The following GPC6 variants were observed in gnomAD, a reference collection of about 807,000 sequenced individuals.
The protein encoded by GPC6 is glypican 6.
In GPC6, 14 loss-of-function variants were observed where a neutral mutation model predicts 55.2. That is an observed-to-expected ratio of 0.25 (90% confidence interval 0.17 to 0.40). The LOEUF is 0.40. GPC6 is among the 10% of genes least tolerant of loss of function. GPC6 has a pLI of 1.00. For synonymous variants in GPC6, 278 were observed against 259.6 expected (o/e 1.07, Z -0.68); for missense variants, 641 against 708.5 (o/e 0.90, Z 1.08).
At chr13:93,882,516 A>G (rs1007884039) in intron 3 of GPC6, among the ~76,000 whole-genome samples, 13 of 151,912 alleles carry the variant, frequency 8.6e-5, no homozygotes, top group Non-Finnish European at 1.6e-4. Context: ...ACACTGTTAG[A>G]TTTGTATGTT....
At chr13:94,147,074 G>A (rs1286480118) in intron 4 of GPC6, among the ~76,000 whole-genome samples, 1 of 152,008 alleles carries the variant, frequency 6.6e-6, no homozygotes, top group African/African-American at 2.4e-5. Flanking sequence ...AGAATTGTGG[G>A]TACTACTAAA....
At chr13:93,414,433 G>A (rs1213099917) in intron 1 of GPC6, among the ~76,000 whole-genome samples, 2 of 151,906 alleles carry the variant, frequency 1.3e-5, no homozygotes, top group Non-Finnish European at 2.9e-5. Flanking sequence ...TTCTTACTCC[G>A]GGACTGCAAA....
intron 2 of GPC6, among the ~76,000 whole-genome samples, chr13:93,584,339 G>A (rs569970784): frequency 6.6e-6 from 1 of 152,096 alleles, no homozygotes; most frequent in African/African-American, 2.4e-5. Flanking sequence ...GGTATCTTTG[G>A]GGGGGTCCCA....
chr13:93,225,528 T>G (rs1186464578), upstream of GPC6, among the ~76,000 whole-genome samples: 3 of 151,968 alleles, frequency 2.0e-5, no homozygotes, highest in African/African-American at 4.8e-5. Flanking sequence ...TTTTTGGTTT[T>G]GTTTTGTCTT....
chr13:93,941,125 G>A (rs1163500907), intron 3 of GPC6, among the ~76,000 whole-genome samples: 1 of 152,104 alleles, frequency 6.6e-6, no homozygotes, highest in Non-Finnish European at 1.5e-5. Flanking sequence ...TGTCATACTT[G>A]CTATGATGAA....
intron 4 of GPC6, among the ~76,000 whole-genome samples, chr13:94,251,070 A>G (rs1423506739): frequency 1.3e-5 from 2 of 152,124 alleles, no homozygotes; most frequent in Non-Finnish European, 2.9e-5. Flanking sequence ...ATGCCCATCA[A>G]TGATACACTG....
At chr13:93,798,298 C>T (rs1422444196) in intron 2 of GPC6, among the ~76,000 whole-genome samples, 1 of 152,090 alleles carries the variant, frequency 6.6e-6, no homozygotes, top group African/African-American at 2.4e-5. Flanking sequence ...CTTCTGTGAA[C>T]CAAGTTACTT....
At chr13:93,835,706 C>T (rs919481110) in intron 3 of GPC6, among the ~76,000 whole-genome samples, 1 of 152,128 alleles carries the variant, frequency 6.6e-6, no homozygotes, top group Non-Finnish European at 1.5e-5. Flanking sequence ...GAGCCAAGAT[C>T]ACGCCATTGC....
chr13:93,341,266 T>C (rs1415727053), intron 1 of GPC6, among the ~76,000 whole-genome samples: 2 of 152,210 alleles, frequency 1.3e-5, no homozygotes, highest in Non-Finnish European at 2.9e-5. Context: ...AGCTACCCAG[T>C]AGTGGGATCA....
intron 3 of GPC6, among the ~76,000 whole-genome samples, chr13:93,915,933 A>G (rs1877266652): frequency 6.6e-6 from 1 of 152,148 alleles, no homozygotes; most frequent in South Asian, 2.1e-4. Context: ...TGCCGGGAAA[A>G]GAGCGCCCCT....
intron 2 of GPC6, among the ~76,000 whole-genome samples, chr13:93,586,495 C>CA (rs1877206343): frequency 1.3e-5 from 2 of 152,072 alleles, no homozygotes; most frequent in African/African-American, 4.8e-5. Context: ...ACAAACCTGA[C>CA]AAAAACAAGC....
intron 1 of GPC6, among the ~76,000 whole-genome samples, chr13:93,340,304 G>A (rs557981351): frequency 6.6e-6 from 1 of 152,168 alleles, no homozygotes; most frequent in African/African-American, 2.4e-5. Context: ...AAAGTGCTGG[G>A]ATTATAGGCG....
chr13:93,732,494 G>T (rs2138838148), intron 2 of GPC6, among the ~76,000 whole-genome samples: 1 of 152,290 alleles, frequency 6.6e-6, no homozygotes, highest in Non-Finnish European at 1.5e-5. Flanking sequence ...ATTGCTGTGT[G>T]TTATTGCCAG....
intron 3 of GPC6, among the ~76,000 whole-genome samples, chr13:93,882,507 C>T (rs1271491057): frequency 1.3e-5 from 2 of 151,986 alleles, no homozygotes; most frequent in Non-Finnish European, 1.5e-5. Flanking sequence ...ACATTAGTAA[C>T]ACTGTTAGAT....
At chr13:94,101,030 T>C (rs1319649782) in intron 4 of GPC6, among the ~76,000 whole-genome samples, 1 of 152,234 alleles carries the variant, frequency 6.6e-6, no homozygotes, top group African/African-American at 2.4e-5. Context: ...CTGGTTAATG[T>C]TGAAGCCAGG....
chr13:93,847,739 G>A (rs1421801280), intron 3 of GPC6, among the ~76,000 whole-genome samples: 1 of 151,994 alleles, frequency 6.6e-6, no homozygotes, highest in Non-Finnish European at 1.5e-5. Flanking sequence ...ATGCATTATG[G>A]AATTGATACT....
At chr13:93,970,892 A>T (rs1413904304) in intron 3 of GPC6, among the ~76,000 whole-genome samples, 1 of 152,218 alleles carries the variant, frequency 6.6e-6, no homozygotes, top group Non-Finnish European at 1.5e-5. Flanking sequence ...AACATGCTTT[A>T]AAAAAGACAA....
chr13:93,500,579 C>T (rs902046563), intron 1 of GPC6, among the ~76,000 whole-genome samples: 2 of 152,108 alleles, frequency 1.3e-5, no homozygotes, highest in Admixed American at 6.6e-5. Context: ...ATTTTACATC[C>T]TCAAAGCTCT....
intron 4 of GPC6, among the ~76,000 whole-genome samples, chr13:94,111,687 TCTGA>T (rs1175417631): frequency 1.3e-5 from 2 of 152,030 alleles, no homozygotes; most frequent in Admixed American, 1.3e-4. Flanking sequence ...TTATAGCACT[TCTGA>T]CAATTGATCG....
Sources: gnomAD v4.1 joint callset for allele counts (sites outside exome capture counted in the v4.1 genomes callset) on GRCh38, gnomAD v4.1.1 for gene constraint, MANE v1.5 for transcripts, NCBI Gene and HGNC (gene_info 2026-07-23, HGNC 2026-07-21) for gene names.